The following KCNAB2 variants were observed in gnomAD, a reference collection of about 807,000 sequenced individuals.
KCNAB2 encodes voltage-gated potassium channel subunit beta-2.
In KCNAB2, 29 loss-of-function variants were observed where a neutral mutation model predicts 63.6. That is an observed-to-expected ratio of 0.46 (90% CI 0.34 to 0.62). KCNAB2 has a LOEUF of 0.62. Ranked by LOEUF, KCNAB2 falls within the 20% of genes least tolerant of loss-of-function variation. The probability of loss-of-function intolerance (pLI) is 0.01; values close to 1 mark genes in which losing one functional copy is unlikely to be tolerated. For synonymous variants in KCNAB2, 222 were observed against 224.2 expected, an observed-to-expected ratio of 0.99 and a Z score of 0.09; for missense variants, 359 against 563.9, an observed-to-expected ratio of 0.64 and a Z score of 3.68.
chr1:5,995,301 G>A (rs1305857864), intron 1 of KCNAB2, among the ~76,000 whole-genome samples: 2 of 152,174 alleles, frequency 1.3e-5, no homozygotes, highest in African/African-American at 4.8e-5. Context: ...AGGACTAAAC[G>A]GAAGGACAGG....
intron 2 of KCNAB2, among the ~76,000 whole-genome samples, chr1:6,059,115 C>T (rs917871016): frequency 1.3e-5 from 2 of 152,134 alleles, no homozygotes; most frequent in Non-Finnish European, 2.9e-5. Context: ...GCCTTGTAAC[C>T]GACTGATGAT....
chr1:6,088,974 T>G, intron 7 of KCNAB2, 34 bp from the exon 8 acceptor site: 2 of 1,546,502 alleles, frequency 1.3e-6, no homozygotes, highest in Non-Finnish European at 1.7e-6. Flanking sequence ...CCAAAACCGC[T>G]GGTGACATCA....
intron 2 of KCNAB2, among the ~76,000 whole-genome samples, chr1:6,062,888 T>C (rs1662436826): frequency 6.6e-6 from 1 of 152,194 alleles, no homozygotes; most frequent in Non-Finnish European, 1.5e-5. Flanking sequence ...TTTTCATGTA[T>C]TCAGAGCTGT....
chr1:6,096,181 C>T lies in KCNAB2; in HGVS notation c.949-455C>T, dbSNP rs1380703907. The T allele has an allele frequency of 1.1e-5, 5 of 457,590 alleles. No homozygotes were observed. Among genetic ancestry groups the T allele is most frequent in the Admixed American group, 9.4e-5 (4 of 42,576 alleles). The allele number at this position is 457,590 out of a possible 1,614,324, so 28.3% of individuals were successfully genotyped here. On this transcript the variant is annotated intron_variant, in intron 13 of 15. Transcript: ENST00000378083. The surrounding 1 kb of genome is among the most constrained non-coding windows in gnomAD (Gnocchi z 5.9). ...TTCCAGGGCAACGTGGCCTGGCCCC[C>T]GACTCCTCCCATCCCATGGCAAGGT...
At position 6,089,014 on chromosome 1, in the gene KCNAB2, G is replaced by A; in HGVS notation, c.477G>A (p.Glu159=). Residue 159 remains glutamate (E), a synonymous_variant, in exon 8 of 16, where the codon GAG becomes GAA. Transcript: ENST00000378083. ...TTKIFWGGKA[E]TERGLSRKHI... is the part of the protein sequence containing the mutation. ...CGGTCGGCCTGTTTTCCAGGGCGGA[G>A]ACGGAGCGGGGCCTGTCCAGGAAGC... 2 of 1,548,632 alleles carry A rather than the reference G, an allele frequency of 1.3e-6. No homozygotes were observed. Among genetic ancestry groups the A allele is most frequent in the South Asian group, 1.2e-5 (1 of 83,778 alleles).
rs1390401817 is a variant in KCNAB2 at position 6,069,599 on chromosome 1, G to A, written c.219-3156G>A. ...GATGTCAGGTTTCAACGATGGGGAAGAAATCGGTAGAAAATGATCTCTGTG... is the reference window on the plus strand; with the variant it reads ...GATGTCAGGTTTCAACGATGGGGAAAAAATCGGTAGAAAATGATCTCTGTG... On this transcript the variant is annotated intron_variant, in intron 2 of 15. Transcript: ENST00000378083. This position sits in a 1 kb window ranked among gnomAD's most constrained non-coding sequence, Gnocchi z 5.4. 6.6e-6 allele frequency among the ~76,000 whole-genome samples: 1 copy of A among 152,224 alleles called. No homozygotes were observed. The highest frequency in any genetic ancestry group is 2.4e-5 in the African/African-American group (1 of 41,462).
At chr1:6,082,072 C>G (rs375322108) in intron 4 of KCNAB2, 123 bp from the exon 5 acceptor site, 3 of 747,564 alleles carry the variant, frequency 4.0e-6, no homozygotes, top group South Asian at 1.6e-5. Flanking sequence ...CACAGGGGAG[C>G]CTGTCGGGCC....
chr1:6,097,230 G>T (rs369618302), intron 14 of KCNAB2, 39 bp from the exon 15 acceptor site: 7 of 1,510,156 alleles, frequency 4.6e-6, no homozygotes, highest in Non-Finnish European at 4.5e-6. Context: ...GGCCCCTGTG[G>T]TGGGTGTTTC....
chr1:6,065,949 T>C (rs1292922897), intron 2 of KCNAB2, among the ~76,000 whole-genome samples: 1 of 152,256 alleles, frequency 6.6e-6, no homozygotes, highest in African/African-American at 2.4e-5. Context: ...TGCAGCTTCC[T>C]TGGCTTCTGG....
chr1:6,019,229 C>A (rs1658682016), intron 1 of KCNAB2, among the ~76,000 whole-genome samples: 1 of 152,196 alleles, frequency 6.6e-6, no homozygotes, highest in African/African-American at 2.4e-5. Flanking sequence ...GAGTTCAAGG[C>A]TGCAGTGAGC....
At chr1:6,012,271 T>G in intron 1 of KCNAB2, among the ~76,000 whole-genome samples, 3 of 82,816 alleles carry the variant, frequency 3.6e-5, no homozygotes, top group African/African-American at 5.0e-5. Flanking sequence ...GAGGTGGAGA[T>G]GGAGGCAGTG....
At chr1:6,075,600 AG>A (rs1353890355) in intron 4 of KCNAB2, among the ~76,000 whole-genome samples, 8 of 152,138 alleles carry the variant, frequency 5.3e-5, no homozygotes, top group Non-Finnish European at 8.8e-5. Context: ...TACATCTAGA[AG>A]GGGGGGCCCG....
chr1:6,016,318 G>A (rs934604134), intron 1 of KCNAB2, among the ~76,000 whole-genome samples: 1 of 152,342 alleles, frequency 6.6e-6, no homozygotes, highest in Non-Finnish European at 1.5e-5. Flanking sequence ...GGCTCAGGGA[G>A]GACCTCGCTC....
chr1:6,090,501 G>C, intron 9 of KCNAB2, 26 bp downstream of exon 9: 1 of 1,582,004 alleles, frequency 6.3e-7, no homozygotes, highest in Non-Finnish European at 8.7e-7. Flanking sequence ...CGGCGCCACC[G>C]GTTAGGCCTG....
intron 2 of KCNAB2, among the ~76,000 whole-genome samples, chr1:6,059,530 G>A (rs1180768457): frequency 2.0e-5 from 3 of 152,206 alleles, no homozygotes; most frequent in Non-Finnish European, 4.4e-5. Context: ...CTTCCTGGAG[G>A]TTTGGGGCAT....
At chr1:6,090,970 T>C (rs1488307825) in intron 9 of KCNAB2, among the ~76,000 whole-genome samples, 1 of 152,236 alleles carries the variant, frequency 6.6e-6, no homozygotes, top group Non-Finnish European at 1.5e-5. Context: ...TTTTATTCTT[T>C]CTACTCCTGC....
chr1:6,066,175 C>T (rs368714564), intron 2 of KCNAB2, among the ~76,000 whole-genome samples: 3 of 152,346 alleles, frequency 2.0e-5, no homozygotes, highest in African/African-American at 7.2e-5. Context: ...GAGGCCGCTT[C>T]CGCGCCGTGG....
chr1:5,996,530 G>A (rs929241187), intron 1 of KCNAB2, among the ~76,000 whole-genome samples: 3 of 152,336 alleles, frequency 2.0e-5, no homozygotes, highest in Non-Finnish European at 4.4e-5. Flanking sequence ...CAGGTTCTGC[G>A]TGTCTTCAGT....
intron 1 of KCNAB2, among the ~76,000 whole-genome samples, chr1:6,025,590 C>T (rs940001414): frequency 6.6e-6 from 1 of 152,244 alleles, no homozygotes; most frequent in African/African-American, 2.4e-5. Flanking sequence ...CCCAGGGCCA[C>T]CTGTCCCCTC....
Sources: allele counts gnomAD v4.1 joint callset (sites outside exome capture counted in the v4.1 genomes callset), GRCh38; gene constraint gnomAD v4.1.1; non-coding constraint Gnocchi (gnomAD v3.1); transcripts MANE v1.5; gene names NCBI Gene and HGNC (gene_info 2026-07-23, HGNC 2026-07-21).